The following SEMA3A variants were observed in gnomAD, a reference collection of about 807,000 sequenced individuals.
The protein encoded by SEMA3A is semaphorin 3A.
Under a neutral mutation model 97.9 loss-of-function variants are expected in SEMA3A, and 29 were observed. That is an observed-to-expected ratio of 0.30 (90% confidence interval 0.22 to 0.40). The LOEUF (loss-of-function observed/expected upper bound fraction) is 0.40, where lower values mean the gene tolerates loss of function less well. Among genes scored for constraint, SEMA3A ranks in the 10% least tolerant of loss-of-function variants. The pLI is 1.00. For missense variants in SEMA3A, 763 were observed against 951.3 expected (o/e 0.80, Z 2.60); for synonymous variants, 321 against 323.7 (o/e 0.99, Z 0.09).
At chr7:84,136,541 T>C (rs1349037179) in intron 1 of SEMA3A, among the ~76,000 whole-genome samples, 1 of 152,292 alleles carries the variant, frequency 6.6e-6, no homozygotes, top group Non-Finnish European at 1.5e-5. Context: ...AGCTACAGAA[T>C]AGAGCCACGC....
At chr7:84,412,504 A>T (rs1459928686) in intron 1 of SEMA3A, among the ~76,000 whole-genome samples, 1 of 152,150 alleles carries the variant, frequency 6.6e-6, no homozygotes, top group Non-Finnish European at 1.5e-5. Context: ...TCAGTCAAAA[A>T]TCCCCCTAAA....
At chr7:84,014,470 C>T (rs1480641398) in intron 6 of SEMA3A, 119 bp from the exon 7 acceptor site, 18 of 719,372 alleles carry the variant, frequency 2.5e-5, no homozygotes, top group South Asian at 1.7e-4. Context: ...ACGTATCTTT[C>T]GTTTGTTCAT....
chr7:83,974,418 G>A (rs990135321), intron 15 of SEMA3A, among the ~76,000 whole-genome samples: 2 of 152,140 alleles, frequency 1.3e-5, no homozygotes, highest in Non-Finnish European at 2.9e-5. Flanking sequence ...ACTATAGAGT[G>A]TTACAGAATA....
chr7:83,999,178 T>A (rs1790338288), intron 12 of SEMA3A, among the ~76,000 whole-genome samples: 1 of 152,184 alleles, frequency 6.6e-6, no homozygotes. Flanking sequence ...TTCTTGTCCA[T>A]AATGTTGTTA....
chr7:84,376,518 G>A (rs1803104173), intron 1 of SEMA3A, among the ~76,000 whole-genome samples: 1 of 126,238 alleles, frequency 7.9e-6, no homozygotes, highest in Admixed American at 8.6e-5. Flanking sequence ...GCAGGAGAAT[G>A]GCGTGAACCC....
chr7:83,987,750 A>G (rs1444960650), intron 12 of SEMA3A, among the ~76,000 whole-genome samples: 4 of 152,046 alleles, frequency 2.6e-5, no homozygotes, highest in African/African-American at 9.7e-5. Flanking sequence ...CTTCCATTTA[A>G]TTTATATTTA....
At chr7:84,266,554 T>C (rs1168191317) in intron 3 of SEMA3A, among the ~76,000 whole-genome samples, 3 of 151,878 alleles carry the variant, frequency 2.0e-5, no homozygotes, top group Non-Finnish European at 4.4e-5. Context: ...TCATGAGTCA[T>C]CCAGAGAGAA....
intron 15 of SEMA3A, among the ~76,000 whole-genome samples, chr7:83,969,017 G>A (rs986341384): frequency 6.6e-5 from 10 of 151,726 alleles, no homozygotes; most frequent in Non-Finnish European, 1.5e-5. Flanking sequence ...TACCATGTTG[G>A]CCAGGCTTGT....
In SEMA3A at chr7:84,400,997, T is replaced by C. The variant is rs531707295; in HGVS notation, c.-245-29097A>G. Among the ~76,000 whole-genome samples, 13 of 152,112 alleles carry C rather than the reference T, an allele frequency of 8.5e-5. 1 individual carries two copies. In the South Asian group the frequency reaches 2.7e-3, roughly 32 times the overall value. ...TCCTACTTTCACCACTTTTATTAAA[T>C]ATAGTACTAGAAGTCCTAGCAAGAG... On this transcript the variant is annotated intron_variant, in intron 1 of 3. Coordinates refer to the SEMA3A transcript ENST00000424555.
chr7:84,134,681 T>C, intron 2 of SEMA3A, 113 bp downstream of exon 2: 1 of 774,578 alleles, frequency 1.3e-6, no homozygotes, highest in Non-Finnish European at 1.9e-6. Flanking sequence ...AAAGACAAAC[T>C]ATTAATTCAA....
intron 2 of SEMA3A, among the ~76,000 whole-genome samples, chr7:84,328,363 G>A (rs535555348): frequency 2.2e-4 from 34 of 151,994 alleles, no homozygotes; most frequent in Middle Eastern, 3.4e-3. Flanking sequence ...CCTACAGAAA[G>A]TTCTGACATA....
intron 6 of SEMA3A, among the ~76,000 whole-genome samples, chr7:84,041,163 G>C (rs1792121141): frequency 6.6e-6 from 1 of 151,854 alleles, no homozygotes. Flanking sequence ...TTATTCCAAA[G>C]CTTTATTCAT....
At chr7:84,288,474 G>A (rs1800650082) in intron 3 of SEMA3A, among the ~76,000 whole-genome samples, 1 of 152,080 alleles carries the variant, frequency 6.6e-6, no homozygotes. Context: ...AAGGCGGATG[G>A]ATCACTTGAG....
At chr7:84,025,712 A>T (rs1791520862) in intron 6 of SEMA3A, among the ~76,000 whole-genome samples, 1 of 152,194 alleles carries the variant, frequency 6.6e-6, no homozygotes, top group African/African-American at 2.4e-5. Context: ...TAAACACAGA[A>T]GGCAAGTGAA....
At chr7:84,429,898 A>C (rs1044362850) in intron 1 of SEMA3A, among the ~76,000 whole-genome samples, 2 of 151,898 alleles carry the variant, frequency 1.3e-5, no homozygotes, top group African/African-American at 4.8e-5. Flanking sequence ...ATCTTTAACA[A>C]GAATACCAAC....
chr7:84,028,879 A>G (rs943982225), intron 6 of SEMA3A, among the ~76,000 whole-genome samples: 38 of 152,224 alleles, frequency 2.5e-4, no homozygotes, highest in Non-Finnish European at 1.5e-4. Context: ...TCGGCCTCCC[A>G]AAGTGCTGGG....
intron 3 of SEMA3A, among the ~76,000 whole-genome samples, chr7:84,270,500 TTCTC>T (rs200105983): frequency 5.7e-4 from 85 of 148,000 alleles, no homozygotes; most frequent in African/African-American, 1.9e-3. Flanking sequence ...TTTTCTTTCT[TTCTC>T]TCTCTCTCTC....
intron 1 of SEMA3A, among the ~76,000 whole-genome samples, chr7:84,144,966 A>T (rs1024558209): frequency 6.6e-6 from 1 of 152,122 alleles, no homozygotes; most frequent in Admixed American, 6.5e-5. Context: ...GAGTGTGCAT[A>T]AGTGTATATG....
intron 4 of SEMA3A, among the ~76,000 whole-genome samples, chr7:84,100,280 A>T (rs1794920125): frequency 6.6e-6 from 1 of 152,286 alleles, no homozygotes; most frequent in Non-Finnish European, 1.5e-5. Flanking sequence ...AATCACTCCG[A>T]CATAGTCCTC....
Sources: allele counts gnomAD v4.1 joint callset (sites outside exome capture counted in the v4.1 genomes callset), GRCh38; gene constraint gnomAD v4.1.1; transcripts MANE v1.5; gene names NCBI Gene and HGNC (gene_info 2026-07-23, HGNC 2026-07-21).